Variants in CCDC57 observed in about 807,000 individuals in gnomAD.
CCDC57 encodes coiled-coil domain-containing protein 57.
CCDC57 carries 118 observed loss-of-function variants against 118.9 expected under a neutral mutation model. That is an observed-to-expected ratio of 0.99 (90% CI 0.86 to 1.16). The LOEUF is 1.16. Ranked by LOEUF, CCDC57 falls within the 50% of genes most tolerant of loss-of-function variation. The pLI, the probability that CCDC57 is intolerant of heterozygous loss-of-function variation, is 0.00. For synonymous variants in CCDC57, 527 were observed against 532.9 expected (o/e 0.99, Z 0.15); for missense variants, 1,300 against 1,320.7 (o/e 0.98, Z 0.24).
rs2036165205 is a variant in CCDC57, at chr17:82,118,074, G to A, written c.2899+9618C>T. On this transcript the variant is annotated intron_variant, in intron 19 of 19. Transcript: ENST00000665763. The surrounding 1 kb of genome is among the most constrained non-coding windows in gnomAD (Gnocchi z 4.7). ...CACAAAACTACCAGAAAGATCTGTC[G>A]GCTCTGTGTGTACTGACATAAAAAA... Among the ~76,000 whole-genome samples the A allele has an allele frequency of 1.3e-5, 2 of 152,192 alleles. No homozygotes were observed. The highest frequency in any genetic ancestry group is 2.9e-5 in the Non-Finnish European group (2 of 68,030).
intron 19 of CCDC57, among the ~76,000 whole-genome samples, chr17:82,119,300 AT>A (rs2036349050): frequency 6.6e-6 from 1 of 151,982 alleles, no homozygotes; most frequent in South Asian, 2.1e-4. Flanking sequence ...CTCTAGCATT[AT>A]CTGAGACTAA....
chr17:82,189,800 C>T (rs943550941), intron 7 of CCDC57, among the ~76,000 whole-genome samples: 2 of 151,918 alleles, frequency 1.3e-5, no homozygotes, highest in Non-Finnish European at 2.9e-5. Flanking sequence ...TTGCAGTGAC[C>T]CGAGATCGCA....
chr17:82,101,994 C>T (rs2034483062), intron 19 of CCDC57, 128 bp from the exon 19 acceptor site: 1 of 908,314 alleles, frequency 1.1e-6, no homozygotes. Flanking sequence ...TGACCCTTGG[C>T]CTGGCTTTCC....
At chr17:82,149,527 C>T (rs1043493560) in intron 16 of CCDC57, among the ~76,000 whole-genome samples, 6 of 152,224 alleles carry the variant, frequency 3.9e-5, no homozygotes, top group South Asian at 4.1e-4. Flanking sequence ...ACAGAAATGC[C>T]GGCTGCTTTG....
At chr17:82,166,832 C>T (rs1044476020) in intron 13 of CCDC57, among the ~76,000 whole-genome samples, 16 of 152,038 alleles carry the variant, frequency 1.1e-4, no homozygotes, top group African/African-American at 2.4e-5. Context: ...GGGAGGGTCC[C>T]TTGAGCCCAG....
chr17:82,176,559 C>T (rs2045525494), intron 11 of CCDC57, among the ~76,000 whole-genome samples: 1 of 152,162 alleles, frequency 6.6e-6, no homozygotes, highest in African/African-American at 2.4e-5. Context: ...TACTTGATTA[C>T]CAATAAACAG....
rs183313974 is a variant in CCDC57 at position 82,208,401 on chromosome 17, C to T, written c.-210-353G>A. ...CCTCCCAAGTAGCTGGGATTACAGGCGCCCGCCACCATGCCCGGCTAATTT... is the reference window on the plus strand; with the variant it reads ...CCTCCCAAGTAGCTGGGATTACAGGTGCCCGCCACCATGCCCGGCTAATTT... On this transcript the variant is annotated intron_variant, in intron 1 of 19. Coordinates refer to ENST00000665763, the Ensembl canonical transcript of CCDC57. Among the ~76,000 whole-genome samples the T allele has an allele frequency of 5.1e-4, 78 of 152,168 alleles. 2 individuals are homozygous for T. Among genetic ancestry groups the T allele is most frequent in the Admixed American group, 3.5e-3 (53 of 15,288 alleles).
At chr17:82,151,603 G>A (rs751355102) in exon 16 of CCDC57, 16 of 1,550,358 alleles carry the variant, frequency 1.0e-5, no homozygotes, top group Middle Eastern at 1.7e-4. Context: ...TCCCCATCTC[G>A]ATGAGCTGCT....
chr17:82,125,854 G>A (rs1325364621), intron 19 of CCDC57, among the ~76,000 whole-genome samples: 1 of 152,210 alleles, frequency 6.6e-6, no homozygotes, highest in Non-Finnish European at 1.5e-5. Flanking sequence ...ACTGAGAGTG[G>A]CCGAACGAAC....
In CCDC57 at chr17:82,134,221, G is replaced by C. The variant is rs1001340050; in HGVS notation, c.2456-27C>G. 4 of 1,292,102 alleles carry C rather than the reference G, an allele frequency of 3.1e-6. No homozygotes were observed. In the African/African-American group the frequency reaches 6.2e-5, roughly 20 times the overall value. The allele number at this position is 1,292,102 out of a possible 1,614,324, so 80.0% of individuals were successfully genotyped here. On this transcript the variant is annotated intron_variant, in intron 16 of 19. Coordinates refer to ENST00000665763, the Ensembl canonical transcript of CCDC57. Reference sequence around the variant, plus strand: ...TGGGAATGGGATGGGGACAGAGTTTGTTCTCTGTGCATCACTTCTGGATTC... The same window carrying C: ...TGGGAATGGGATGGGGACAGAGTTTCTTCTCTGTGCATCACTTCTGGATTC...
At position 82,133,021 on chromosome 17, in the gene CCDC57, G is replaced by A. The variant is rs558108018; in HGVS notation, c.2577+1052C>T. The stretch of plus-strand genomic sequence containing the variant: ...GATCCACCCGCCTCGGCCTCCCAAA[G>A]TGCTGGGATTATAGGCGTGAGCCAC... On this transcript the variant is annotated intron_variant, in intron 17 of 19. Coordinates refer to ENST00000665763, the Ensembl canonical transcript of CCDC57. 3.0e-4 allele frequency among the ~76,000 whole-genome samples: 46 copies of A among 152,126 alleles called. 1 individual carries two copies. Among genetic ancestry groups the A allele is most frequent in the African/African-American group, 1.1e-3 (45 of 41,492 alleles).
intron 17 of CCDC57, among the ~76,000 whole-genome samples, chr17:82,129,819 A>G (rs751875681): frequency 3.3e-5 from 5 of 152,200 alleles, no homozygotes; most frequent in Non-Finnish European, 7.4e-5. Context: ...TGGAGCCCAG[A>G]GTTCTAGGTT....
At position 82,151,448 on chromosome 17, in the gene CCDC57, GGT is replaced by G; in HGVS notation, c.2455+110_2455+111del. 5 of 656,404 alleles carry G rather than the reference GGT, an allele frequency of 7.6e-6. No homozygotes were observed. The South Asian group carries it at 9.9e-5, about 13-fold the overall frequency. The allele number at this position is 656,404 out of a possible 1,614,324, so 40.7% of individuals were successfully genotyped here. ...AGAATCTGACCCACATCCAGAACCT[GGT>G]GCACCCCCAGAATCTGACCCACATC... On this transcript the variant is annotated intron_variant, in intron 16 of 19. Transcript: ENST00000665763.
chr17:82,136,276 C>A (rs76313400), intron 16 of CCDC57, among the ~76,000 whole-genome samples: 3 of 152,152 alleles, frequency 2.0e-5, no homozygotes, highest in African/African-American at 7.2e-5. Context: ...TAAGTGCAGA[C>A]GCCCCAGCAC....
chr17:82,141,337 C>A (rs1376088826), intron 16 of CCDC57, among the ~76,000 whole-genome samples: 1 of 152,154 alleles, frequency 6.6e-6, no homozygotes, highest in Non-Finnish European at 1.5e-5. Context: ...GCACCTGCCA[C>A]CATGGCTGGC....
chr17:82,191,752 C>T (rs1051893221), intron 7 of CCDC57, among the ~76,000 whole-genome samples: 4 of 152,086 alleles, frequency 2.6e-5, no homozygotes, highest in Admixed American at 6.6e-5. Flanking sequence ...CTACAGGCTC[C>T]ACATCCCAGA....
At chr17:82,117,323 C>T (rs147990665) in intron 19 of CCDC57, among the ~76,000 whole-genome samples, 40 of 151,820 alleles carry the variant, frequency 2.6e-4, no homozygotes, top group African/African-American at 6.3e-4. Flanking sequence ...CTGTACTGGG[C>T]GACAGAGGGA....
intron 13 of CCDC57, among the ~76,000 whole-genome samples, chr17:82,166,843 G>A (rs563427112): frequency 6.6e-6 from 1 of 152,084 alleles, no homozygotes; most frequent in Admixed American, 6.6e-5. Context: ...TTGAGCCCAG[G>A]GGGTCAAGGC....
exon 3 of CCDC57, chr17:82,201,580 AGCTGCT>A: frequency 6.2e-7 from 1 of 1,611,984 alleles, no homozygotes; most frequent in Non-Finnish European, 8.5e-7. Flanking sequence ...CTGGAATGCC[AGCTGCT>A]GCTGCTGCTG....
Sources: allele counts gnomAD v4.1 joint callset (sites outside exome capture counted in the v4.1 genomes callset), GRCh38; gene constraint gnomAD v4.1.1; non-coding constraint Gnocchi (gnomAD v3.1); transcripts MANE v1.5; gene names NCBI Gene and HGNC (gene_info 2026-07-23, HGNC 2026-07-21).